The following PIK3R3 variants were observed in gnomAD, a reference collection of about 807,000 sequenced individuals.
PIK3R3 encodes the protein phosphoinositide-3-kinase regulatory subunit 3, also known as phosphatidylinositol 3-kinase regulatory subunit gamma.
A neutral mutation model predicts 62.9 loss-of-function variants in PIK3R3; 64 were observed. That is an observed-to-expected ratio of 1.02 (90% CI 0.83 to 1.25). PIK3R3 has a LOEUF of 1.25. PIK3R3 is among the 50% of genes most tolerant of loss of function. The pLI is 0.00. For synonymous variants in PIK3R3, 165 were observed against 189.0 expected (o/e 0.87, Z 1.04); for missense variants, 614 against 561.6 (o/e 1.09, Z -0.94).
At chr1:46,144,371 C>A in the PIK3R3 span, among the ~76,000 whole-genome samples, 2 of 152,184 alleles carry the variant, frequency 1.3e-5, no homozygotes, top group African/African-American at 2.4e-5. Context: ...GTCAGGCCTA[C>A]ACCTAACATT....
upstream of PIK3R3, among the ~76,000 whole-genome samples, chr1:46,136,231 A>G (rs1655927869): frequency 2.0e-5 from 3 of 152,174 alleles, no homozygotes; most frequent in Admixed American, 2.0e-4. Context: ...AAATAAACTC[A>G]TTTAACAAAT....
At position 46,043,457 on chromosome 1, in the gene PIK3R3, T is replaced by C. The variant is rs896898437; in HGVS notation, c.*216A>G. 2 of 559,996 alleles carry C rather than the reference T, an allele frequency of 3.6e-6. No homozygotes were observed. The highest frequency in any genetic ancestry group is 3.8e-5 in the African/African-American group (2 of 53,196). 34.7% of individuals were successfully genotyped at this position (559,996 alleles called of 1,614,324 possible). A position where few individuals can be genotyped will look rare whatever the true frequency, so the allele number is the denominator to read the frequency against. On this transcript the variant is annotated 3_prime_UTR_variant, in exon 10 of 10. Transcript: ENST00000262741. ...TCAAAAAAAACATCTGCTTCCAGCT[T>C]AGTATGTCAGTGCAGCGGCATGGCT...
At position 46,132,516 on chromosome 1, in the gene PIK3R3, G is replaced by A. The variant is rs1050140695; in HGVS notation, c.-564C>T. On this transcript the variant is annotated 5_prime_UTR_variant, in exon 1 of 10. Transcript: ENST00000262741. ...GGTCGGTCTCGGAACCGAAGCTGCC[G>A]CAGCCTCGGGAATGGGGCCGGCCGG... 7.3e-6 allele frequency: 9 copies of A among 1,231,492 alleles called. No homozygotes were observed. Among genetic ancestry groups the A allele is most frequent in the Admixed American group, 2.8e-5 (1 of 36,198 alleles). 76.3% of individuals were successfully genotyped at this position (1,231,492 alleles called of 1,614,324 possible).
At chr1:46,104,460 C>A (rs1652996341) in intron 1 of PIK3R3, among the ~76,000 whole-genome samples, 2 of 152,122 alleles carry the variant, frequency 1.3e-5, no homozygotes, top group South Asian at 2.1e-4. Context: ...ATATTTAATT[C>A]TGTGTAGTTA....
intron 1 of PIK3R3, among the ~76,000 whole-genome samples, chr1:46,115,182 G>C (rs1209322304): frequency 6.6e-6 from 1 of 152,194 alleles, no homozygotes; most frequent in Admixed American, 6.5e-5. Flanking sequence ...ACAGGGTAAA[G>C]CCAAGAGAAT....
the PIK3R3 span, among the ~76,000 whole-genome samples, chr1:46,145,959 T>C: frequency 6.6e-6 from 1 of 152,178 alleles, no homozygotes; most frequent in African/African-American, 2.4e-5. Context: ...AATACTTATC[T>C]GGGTGGAGAA....
chr1:46,057,852 A>T (rs1648078575), intron 6 of PIK3R3, among the ~76,000 whole-genome samples: 1 of 145,756 alleles, frequency 6.9e-6, no homozygotes, highest in Non-Finnish European at 1.5e-5. Context: ...TAGAAAATAA[A>T]ATTCCATTTT....
chr1:46,136,673 T>C (rs72677557), upstream of PIK3R3, among the ~76,000 whole-genome samples: 24,603 of 152,136 alleles, frequency 0.16, 2,271 homozygotes, highest in Middle Eastern at 0.2. Flanking sequence ...GCCTCACTTA[T>C]ACACCTCAGC....
Position 46,040,696 on chromosome 1 carries a change from A to C in PIK3R3, c.*2977T>G. The C allele has an allele frequency of 4.9e-6, 1 of 205,776 alleles. No individual in the cohort carries two copies. The highest frequency in any genetic ancestry group is 9.9e-6 in the Non-Finnish European group (1 of 100,522). 12.7% of individuals were successfully genotyped at this position (205,776 alleles called of 1,614,324 possible). Reference sequence around the variant, plus strand: ...TGCAATTCTCAGTTTAAGAGAACACATGGGGCTGATTACTTGTAGCAAAAA... The same window carrying C: ...TGCAATTCTCAGTTTAAGAGAACACCTGGGGCTGATTACTTGTAGCAAAAA... On this transcript the variant is annotated 3_prime_UTR_variant, in exon 10 of 10. Transcript: ENST00000262741.
intron 1 of PIK3R3, among the ~76,000 whole-genome samples, chr1:46,103,260 G>T (rs139933931): frequency 6.6e-6 from 1 of 152,148 alleles, no homozygotes; most frequent in East Asian, 1.9e-4. Context: ...AATATGCTTA[G>T]TATCACTTAA....
chr1:46,161,309 G>A, the PIK3R3 span, among the ~76,000 whole-genome samples: 1 of 150,612 alleles, frequency 6.6e-6, no homozygotes, highest in African/African-American at 2.5e-5. Context: ...TGTTGCCTAG[G>A]CTGGTCTCAA....
At chr1:46,105,420 A>C (rs762930851) in intron 1 of PIK3R3, among the ~76,000 whole-genome samples, 21 of 151,806 alleles carry the variant, frequency 1.4e-4, no homozygotes, top group Non-Finnish European at 2.7e-4. Context: ...AATCGCTCGA[A>C]CTGAACCCAG....
chr1:46,069,536 T>C (rs899401140), intron 3 of PIK3R3, among the ~76,000 whole-genome samples: 2 of 150,118 alleles, frequency 1.3e-5, no homozygotes, highest in African/African-American at 4.9e-5. Flanking sequence ...AAAAAAAGAA[T>C]ATGTTTAAAG....
the PIK3R3 span, among the ~76,000 whole-genome samples, chr1:46,142,494 C>T: frequency 6.6e-6 from 1 of 152,080 alleles, no homozygotes; most frequent in Non-Finnish European, 1.5e-5. Context: ...GTCAGGAGAT[C>T]GAGACCATCC....
Position 46,080,968 on chromosome 1 carries a change from T to C in PIK3R3, c.107-218A>G, listed in dbSNP as rs572312994. On this transcript the variant is annotated intron_variant, in intron 1 of 9. Transcript: ENST00000262741. ...TTGTTTTTTTCCTTCTTATGAAACA[T>C]TGACTTCTAAGTCTGTAAAACTTCA... Among the ~76,000 whole-genome samples the C allele has an allele frequency of 3.3e-4, 50 of 152,318 alleles. 1 individual carries two copies. The South Asian group carries it at 9.7e-3, about 30-fold the overall frequency.
At chr1:46,071,409 A>C (rs1004008723) in intron 3 of PIK3R3, among the ~76,000 whole-genome samples, 1 of 151,912 alleles carries the variant, frequency 6.6e-6, no homozygotes, top group East Asian at 1.9e-4. Context: ...GCTAGAAGTC[A>C]ACATCTATCC....
the PIK3R3 span, among the ~76,000 whole-genome samples, chr1:46,140,659 A>G: frequency 6.6e-6 from 1 of 152,116 alleles, no homozygotes; most frequent in Non-Finnish European, 1.5e-5. Context: ...TTGGAGTGAT[A>G]TATCTATAAG....
At chr1:46,097,522 T>C (rs1652247594) in intron 1 of PIK3R3, among the ~76,000 whole-genome samples, 1 of 152,172 alleles carries the variant, frequency 6.6e-6, no homozygotes, top group South Asian at 2.1e-4. Context: ...ACAAACTGAA[T>C]GCTTTCCCCT....
the PIK3R3 span, among the ~76,000 whole-genome samples, chr1:46,159,489 C>A: frequency 6.6e-6 from 1 of 152,136 alleles, no homozygotes; most frequent in African/African-American, 2.4e-5. Flanking sequence ...TGAGCATGAT[C>A]CAGTTGTTAG....
Sources: allele counts gnomAD v4.1 joint callset (sites outside exome capture counted in the v4.1 genomes callset), GRCh38; gene constraint gnomAD v4.1.1; transcripts MANE v1.5; gene names NCBI Gene and HGNC (gene_info 2026-07-23, HGNC 2026-07-21).